Variants in TPPP observed in about 807,000 individuals in gnomAD.
TPPP encodes the protein tubulin polymerization-promoting protein.
In TPPP, 6 loss-of-function variants were observed where a neutral mutation model predicts 15.5. The observed-to-expected ratio is 0.39, with a 90% CI of 0.21 to 0.77. TPPP has a LOEUF of 0.77. Ranked by LOEUF, TPPP falls within the 30% of genes least tolerant of loss-of-function variation. The probability of loss-of-function intolerance (pLI) is 0.42; values close to 1 mark genes in which losing one functional copy is unlikely to be tolerated. For synonymous variants in TPPP, 146 were observed against 133.9 expected (o/e 1.09, Z -0.63); for missense variants, 269 against 307.2 (o/e 0.88, Z 0.93).
rs1009826003 is a variant in TPPP, at chr5:660,551, C to T, written c.*4551G>A. 1 of 152,424 alleles carries T rather than the reference C, an allele frequency of 6.6e-6. No homozygotes were observed. The highest frequency in any genetic ancestry group is 2.4e-5 in the African/African-American group (1 of 41,438). 9.4% of individuals were successfully genotyped at this position (152,424 alleles called of 1,614,324 possible). A position where few individuals can be genotyped will look rare whatever the true frequency, so the allele number is the denominator to read the frequency against. ...GCCTCATCTTCCCCCTGTGCCATCC[C>T]CTCGTGGTGTGTGCTGTGGGGTGGG... On this transcript the variant is annotated 3_prime_UTR_variant, in exon 4 of 4. Coordinates refer to ENST00000360578, the MANE Select transcript of TPPP (RefSeq NM_007030.3).
chr5:698,763 C>T, the TPPP span, among the ~76,000 whole-genome samples: 1 of 151,900 alleles, frequency 6.6e-6, no homozygotes, highest in African/African-American at 2.4e-5. Context: ...GCGGACACAG[C>T]CAAACCGTAT....
intron 2 of TPPP, among the ~76,000 whole-genome samples, chr5:677,531 C>T (rs989047326): frequency 6.6e-6 from 1 of 152,188 alleles, no homozygotes; most frequent in Admixed American, 6.5e-5. Context: ...ACTCAGGCCT[C>T]GGCACCGAGA....
chr5:693,412 G>A (rs1231218868), upstream of TPPP: 1 of 138,822 alleles, frequency 7.2e-6, no homozygotes, highest in Non-Finnish European at 1.6e-5. Context: ...GCCCAGCCCG[G>A]TCCCGGGCCC....
chr5:686,232 C>T (rs1257573304), intron 1 of TPPP, among the ~76,000 whole-genome samples: 1 of 152,276 alleles, frequency 6.6e-6, no homozygotes, highest in Non-Finnish European at 1.5e-5. Flanking sequence ...ATGTCGGAGA[C>T]TCGGCGGCTG....
At chr5:672,164 C>T (rs775621840) in intron 2 of TPPP, among the ~76,000 whole-genome samples, 13 of 152,316 alleles carry the variant, frequency 8.5e-5, no homozygotes, top group Admixed American at 3.3e-4. Flanking sequence ...AGTGTCCTAC[C>T]GGCCCTCCAC....
chr5:688,948 G>A (rs868809635), intron 1 of TPPP, among the ~76,000 whole-genome samples: 1,266 of 112,184 alleles, frequency 0.011, 1 homozygote, highest in African/African-American at 0.02. Context: ...GGAGGGGCTG[G>A]GTCAGGTCCC....
At chr5:677,516 C>T (rs772701318) in intron 2 of TPPP, among the ~76,000 whole-genome samples, 2 of 152,206 alleles carry the variant, frequency 1.3e-5, no homozygotes, top group Non-Finnish European at 2.9e-5. Flanking sequence ...GGAGCCAGGG[C>T]TGCCACTCAG....
intron 1 of TPPP, among the ~76,000 whole-genome samples, chr5:684,785 C>T (rs528653259): frequency 1.3e-5 from 2 of 152,172 alleles, no homozygotes; most frequent in Non-Finnish European, 2.9e-5. Flanking sequence ...TCCTGCTCCG[C>T]GGGACTCTCC....
chr5:684,906 G>A (rs568903058), intron 1 of TPPP, among the ~76,000 whole-genome samples: 1 of 152,314 alleles, frequency 6.6e-6, no homozygotes, highest in African/African-American at 2.4e-5. Flanking sequence ...TGCAGCACAG[G>A]AGGCAGGATG....
intron 1 of TPPP, among the ~76,000 whole-genome samples, chr5:686,380 A>T (rs1293059387): frequency 1.3e-4 from 20 of 149,616 alleles, no homozygotes; most frequent in South Asian, 6.5e-4. Flanking sequence ...AAAACAGCCG[A>T]GGCTCTCAAG....
At chr5:666,629 C>T (rs1012241241) in intron 2 of TPPP, among the ~76,000 whole-genome samples, 3 of 151,408 alleles carry the variant, frequency 2.0e-5, no homozygotes, top group Admixed American at 6.6e-5. Flanking sequence ...CTCCAAAACC[C>T]GCCAGGCGGC....
At chr5:672,255 C>T (rs1264989630) in intron 2 of TPPP, among the ~76,000 whole-genome samples, 1 of 152,180 alleles carries the variant, frequency 6.6e-6, no homozygotes, top group Admixed American at 6.5e-5. Flanking sequence ...TCGGGGCAAC[C>T]GCAGACCCCA....
chr5:682,215 CAGTA>C (rs1197474812), intron 1 of TPPP, among the ~76,000 whole-genome samples: 1 of 146,948 alleles, frequency 6.8e-6, no homozygotes, highest in Non-Finnish European at 1.5e-5. Context: ...CATGTGGCAT[CAGTA>C]AGCGGGGCCA....
chr5:675,420 CAGGGGTG>C, intron 2 of TPPP, among the ~76,000 whole-genome samples: 1 of 47,404 alleles, frequency 2.1e-5, no homozygotes, highest in African/African-American at 9.7e-5. Context: ...GCAGTGTGGC[CAGGGGTG>C]CAGCACGGTG....
chr5:668,793 C>T (rs543958608), intron 2 of TPPP, among the ~76,000 whole-genome samples: 17 of 152,244 alleles, frequency 1.1e-4, no homozygotes, highest in African/African-American at 2.7e-4. Context: ...CCTTCAGCAG[C>T]GGCCAGACCA....
intron 2 of TPPP, among the ~76,000 whole-genome samples, chr5:673,597 A>G (rs116343609): frequency 0.019 from 2,951 of 152,266 alleles, 80 homozygotes; most frequent in African/African-American, 0.067. Flanking sequence ...CAGGCTGCCC[A>G]GGACCGGGTC....
chr5:682,278 T>G (rs936296745), intron 1 of TPPP, among the ~76,000 whole-genome samples: 1 of 143,798 alleles, frequency 7.0e-6, no homozygotes, highest in African/African-American at 2.9e-5. Context: ...GGTCTCGCAC[T>G]TGGGCCAGGG....
chr5:676,955 A>G (rs1740464878), intron 2 of TPPP, among the ~76,000 whole-genome samples: 1 of 150,170 alleles, frequency 6.7e-6, no homozygotes, highest in African/African-American at 2.4e-5. Context: ...AGAAACGCGC[A>G]CACGTGCACA....
chr5:683,868 C>CGGAT (rs1740693862), intron 1 of TPPP, among the ~76,000 whole-genome samples: 1 of 152,256 alleles, frequency 6.6e-6, no homozygotes, highest in Non-Finnish European at 1.5e-5. Context: ...GATTCCCCTG[C>CGGAT]GGATACCCCG....
Sources: gnomAD v4.1 joint callset for allele counts (sites outside exome capture counted in the v4.1 genomes callset) on GRCh38, gnomAD v4.1.1 for gene constraint, MANE v1.5 for transcripts, NCBI Gene and HGNC (gene_info 2026-07-23, HGNC 2026-07-21) for gene names.